KCNMA1: variants seen among roughly 807,000 people sequenced by gnomAD.
The protein encoded by KCNMA1 is potassium calcium-activated channel subfamily M alpha 1.
In KCNMA1, 29 loss-of-function variants were observed where a neutral mutation model predicts 140.0. That is an observed-to-expected ratio of 0.21 (90% CI 0.15 to 0.28). KCNMA1 has a LOEUF of 0.28. Among genes scored for constraint, KCNMA1 ranks in the 10% least tolerant of loss-of-function variants. The probability of loss-of-function intolerance (pLI) is 1.00; values close to 1 mark genes in which losing one functional copy is unlikely to be tolerated. For missense variants in KCNMA1, 880 were observed against 1,602.2 expected (o/e 0.55, Z 7.70); for synonymous variants, 612 against 611.9 (o/e 1.00, Z 0.00).
chr10:77,248,106 A>G (rs2058952013), intron 3 of KCNMA1, among the ~76,000 whole-genome samples: 1 of 152,180 alleles, frequency 6.6e-6, no homozygotes, highest in African/African-American at 2.4e-5. Context: ...GAGCTTTAAA[A>G]GGTTAAAAAG....
At chr10:77,283,459 C>T (rs2069457320) in intron 2 of KCNMA1, among the ~76,000 whole-genome samples, 1 of 152,186 alleles carries the variant, frequency 6.6e-6, no homozygotes, top group Non-Finnish European at 1.5e-5. Context: ...CTGTCAGGCA[C>T]AACAGCTTGA....
In KCNMA1 at chr10:77,504,099, TG is replaced by T. The variant is rs1474892578; in HGVS notation, c.379-100077del. ...CTCCATCAGCTGACGTGTTCCCAATTGTCCTTTCTTGGTTATCTGCCTGCCT... is the reference window on the plus strand; with the variant it reads ...CTCCATCAGCTGACGTGTTCCCAATTTCCTTTCTTGGTTATCTGCCTGCCT... On this transcript the variant is annotated intron_variant, in intron 1 of 27. Transcript: ENST00000286628. Among the ~76,000 whole-genome samples the T allele has an allele frequency of 2.0e-5, 3 of 152,258 alleles. No homozygotes were observed. The South Asian group carries it at 6.2e-4, about 32-fold the overall frequency.
intron 5 of KCNMA1, among the ~76,000 whole-genome samples, chr10:77,180,662 GA>G (rs1035705314): frequency 4.6e-5 from 7 of 152,168 alleles, no homozygotes; most frequent in Non-Finnish European, 8.8e-5. Context: ...AGGGTAGGGG[GA>G]TAGGACTCTA....
intron 1 of KCNMA1, among the ~76,000 whole-genome samples, chr10:77,570,059 A>G (rs986841416): frequency 5.9e-5 from 9 of 151,656 alleles, no homozygotes; most frequent in Non-Finnish European, 8.8e-5. Flanking sequence ...ACCAGTTCGA[A>G]TGGCAATCAT....
chr10:76,942,219 C>T (rs576280925), intron 23 of KCNMA1, among the ~76,000 whole-genome samples: 3 of 152,162 alleles, frequency 2.0e-5, no homozygotes, highest in South Asian at 2.1e-4. Context: ...GTGATCCACC[C>T]GCCTTAGCCT....
chr10:77,443,643 G>C (rs12245811), intron 1 of KCNMA1, among the ~76,000 whole-genome samples: 2,130 of 152,240 alleles, frequency 0.014, 39 homozygotes, highest in African/African-American at 0.042. Context: ...TAGGTCAACT[G>C]TGCTGTTTCC....
intron 2 of KCNMA1, among the ~76,000 whole-genome samples, chr10:77,271,334 T>C (rs1463325283): frequency 6.6e-6 from 1 of 152,122 alleles, no homozygotes; most frequent in East Asian, 1.9e-4. Context: ...CTTAAATAAT[T>C]AGAAAAGGTC....
intron 1 of KCNMA1, among the ~76,000 whole-genome samples, chr10:77,630,532 A>C (rs779595763): frequency 2.6e-5 from 4 of 152,180 alleles, no homozygotes; most frequent in Non-Finnish European, 5.9e-5. Flanking sequence ...CTGGTCTGAA[A>C]GGAGTTTTCT....
chr10:77,368,370 C>A (rs1409712701), intron 2 of KCNMA1, among the ~76,000 whole-genome samples: 1 of 152,076 alleles, frequency 6.6e-6, no homozygotes, highest in Admixed American at 6.6e-5. Flanking sequence ...AGTCTTTTGC[C>A]CATTTTCCAG....
intron 23 of KCNMA1, among the ~76,000 whole-genome samples, chr10:76,917,881 C>T (rs151206827): frequency 2.5e-4 from 38 of 152,194 alleles, no homozygotes; most frequent in East Asian, 2.3e-3. Context: ...TGGTCAGAAA[C>T]GGCAGGATTG....
At chr10:77,143,574 CA>C (rs2098227269) in intron 5 of KCNMA1, among the ~76,000 whole-genome samples, 1 of 152,132 alleles carries the variant, frequency 6.6e-6, no homozygotes, top group South Asian at 2.1e-4. Flanking sequence ...TTACCTAACA[CA>C]ATCTACAAAA....
chr10:77,466,776 C>T (rs1188851476), intron 1 of KCNMA1, among the ~76,000 whole-genome samples: 1 of 152,038 alleles, frequency 6.6e-6, no homozygotes, highest in Non-Finnish European at 1.5e-5. Flanking sequence ...TCTGCTGTGA[C>T]CACCCTTCAC....
intron 2 of KCNMA1, among the ~76,000 whole-genome samples, chr10:77,290,485 T>C (rs521773): frequency 0.84 from 127,645 of 152,188 alleles, 53,708 homozygotes; most frequent in Middle Eastern, 0.9. Context: ...GTGCCCTTCG[T>C]ACTCCACTTT....
chr10:76,878,292 T>C (rs1205861141), intron 29 of KCNMA1, among the ~76,000 whole-genome samples: 1 of 152,134 alleles, frequency 6.6e-6, no homozygotes, highest in East Asian at 1.9e-4. Context: ...CATCCATTGA[T>C]TTGAGTGGAA....
chr10:77,272,893 T>C (rs2065567308), intron 2 of KCNMA1, among the ~76,000 whole-genome samples: 2 of 152,184 alleles, frequency 1.3e-5, no homozygotes. Context: ...CACATTTCTA[T>C]TGCAAATGAT....
chr10:77,463,887 C>G (rs2154525589), intron 1 of KCNMA1, among the ~76,000 whole-genome samples: 1 of 152,270 alleles, frequency 6.6e-6, no homozygotes, highest in Admixed American at 6.5e-5. Flanking sequence ...GGGCTACTCC[C>G]TCCTAGATTG....
intron 1 of KCNMA1, among the ~76,000 whole-genome samples, chr10:77,487,043 C>G (rs2098469235): frequency 6.6e-6 from 1 of 152,182 alleles, no homozygotes; most frequent in East Asian, 1.9e-4. Flanking sequence ...GGATGAAATA[C>G]CAGCAGTGTT....
chr10:77,423,348 G>C, intron 1 of KCNMA1, among the ~76,000 whole-genome samples: 1 of 152,274 alleles, frequency 6.6e-6, no homozygotes, highest in Non-Finnish European at 1.5e-5. Context: ...TTCTCCTCTA[G>C]TTCTGAGCTA....
At chr10:76,975,175 G>A (rs2077115832) in intron 19 of KCNMA1, 1 of 152,172 alleles carries the variant, frequency 6.6e-6, no homozygotes, top group Non-Finnish European at 1.5e-5. Context: ...GGTATGGAGT[G>A]ATGGTAAAAT....
Sources: gnomAD v4.1 joint callset for allele counts (sites outside exome capture counted in the v4.1 genomes callset) on GRCh38, gnomAD v4.1.1 for gene constraint, MANE v1.5 for transcripts, NCBI Gene and HGNC (gene_info 2026-07-23, HGNC 2026-07-21) for gene names.